Variants in RFWD3 observed in about 807,000 individuals in gnomAD.
RFWD3 encodes the protein E3 ubiquitin-protein ligase RFWD3.
RFWD3 carries 65 observed loss-of-function variants against 87.7 expected under a neutral mutation model. The observed-to-expected ratio is 0.74, with a 90% CI of 0.61 to 0.91. The LOEUF is 0.91. Ranked by LOEUF, RFWD3 falls within the 40% of genes least tolerant of loss-of-function variation. The probability of loss-of-function intolerance (pLI) is 0.00; values close to 1 mark genes in which losing one functional copy is unlikely to be tolerated. For synonymous variants in RFWD3, 433 were observed against 352.8 expected (o/e 1.23, Z -2.55); for missense variants, 1,078 against 938.5 (o/e 1.15, Z -1.94).
At chr16:74,636,915 G>A (rs942722169) in intron 7 of RFWD3, among the ~76,000 whole-genome samples, 1 of 151,746 alleles carries the variant, frequency 6.6e-6, no homozygotes, top group African/African-American at 2.4e-5. Flanking sequence ...GTTTTACCAC[G>A]TTGGCCGGGC....
Position 74,628,558 on chromosome 16 carries a change from T to C in RFWD3, c.1863A>G (p.Lys621=). Residue 621 remains lysine, a synonymous_variant, in exon 11 of 13, where the codon AAA becomes AAG. Transcript: ENST00000361070. ...TLEDASFWEQ[K]MDFSHWPHVL... is the part of the protein sequence containing the mutation. Reference sequence around the variant, plus strand: ...CATGAGGCCAATGAGAAAAGTCCATTTTCTGTTCCCAGAATGAAGCATCCT... The same window carrying C: ...CATGAGGCCAATGAGAAAAGTCCATCTTCTGTTCCCAGAATGAAGCATCCT... The C allele has an allele frequency of 1.2e-6, 2 of 1,614,134 alleles. No individual in the cohort carries two copies. Among genetic ancestry groups the C allele is most frequent in the Admixed American group, 1.7e-5 (1 of 60,000 alleles).
chr16:74,663,542 G>A (rs1961628120), intron 1 of RFWD3, among the ~76,000 whole-genome samples: 1 of 152,082 alleles, frequency 6.6e-6, no homozygotes. Context: ...TAAATGGAAG[G>A]AATTCTAATA....
chr16:74,644,960 G>T (rs1055191297), intron 4 of RFWD3, among the ~76,000 whole-genome samples: 1 of 152,072 alleles, frequency 6.6e-6, no homozygotes, highest in African/African-American at 2.4e-5. Context: ...AAAATTCTTG[G>T]ATACTTTTTC....
At chr16:74,657,513 C>T (rs946366664) in intron 2 of RFWD3, among the ~76,000 whole-genome samples, 39 of 140,960 alleles carry the variant, frequency 2.8e-4, no homozygotes, top group South Asian at 2.7e-3. Context: ...TCTCGCTCTG[C>T]GGCCCAGGCT....
At chr16:74,626,827 T>A (rs1024140006) in intron 11 of RFWD3, among the ~76,000 whole-genome samples, 1 of 152,124 alleles carries the variant, frequency 6.6e-6, no homozygotes, top group African/African-American at 2.4e-5. Context: ...ATTCTGTGAG[T>A]TGTCTGTTTT....
At chr16:74,657,814 C>G (rs1013851246) in intron 2 of RFWD3, among the ~76,000 whole-genome samples, 8 of 152,090 alleles carry the variant, frequency 5.3e-5, no homozygotes, top group African/African-American at 1.9e-4. Context: ...TTTACCAACT[C>G]CATTTCTTGA....
chr16:74,642,029 T>C (rs780757047), intron 6 of RFWD3, among the ~76,000 whole-genome samples: 1 of 150,530 alleles, frequency 6.6e-6, no homozygotes, highest in Non-Finnish European at 1.5e-5. Flanking sequence ...ATATAGCTAA[T>C]CAAATACATA....
At chr16:74,638,115 A>G in intron 6 of RFWD3, 145 bp from the exon 7 acceptor site, 1 of 540,038 alleles carries the variant, frequency 1.9e-6, no homozygotes, top group East Asian at 3.3e-5. Context: ...AAAAGAGAAA[A>G]ATCTCTCCAG....
At chr16:74,645,740 A>ATT (rs1960072378) in intron 4 of RFWD3, among the ~76,000 whole-genome samples, 5 of 104,572 alleles carry the variant, frequency 4.8e-5, no homozygotes, top group African/African-American at 1.4e-4. Flanking sequence ...AGTCACAAAT[A>ATT]TTTTCTTTTT....
In RFWD3 at chr16:74,661,267, G is replaced by A; in HGVS notation, c.183C>T (p.Ile61=). 3.1e-6 allele frequency: 5 copies of A among 1,614,150 alleles called. No individual in the cohort carries two copies. The highest frequency in any genetic ancestry group is 4.2e-6 in the Non-Finnish European group (5 of 1,180,032). Residue 61 remains isoleucine (I), a synonymous_variant, in exon 2 of 13, where the codon ATC becomes ATT. Transcript: ENST00000361070. ...GCAGGGGTGGTGTCGCTTGGCTGCT[G>A]ATCACCTCAGCAGGAGCTGGCTGGA... ...SILQPAPAEV[I]SSQATPPLLQ... is the part of the protein sequence containing the mutation.
intron 3 of RFWD3, 83 bp from the exon 4 acceptor site, chr16:74,649,285 C>G (rs1652391874): frequency 1.1e-6 from 1 of 944,586 alleles, no homozygotes; most frequent in African/African-American, 1.8e-5. Context: ...CAGGAGAGAG[C>G]CTGACTCACT....
At chr16:74,631,435 T>C (rs923140792) in intron 9 of RFWD3, among the ~76,000 whole-genome samples, 1 of 149,610 alleles carries the variant, frequency 6.7e-6, no homozygotes, top group African/African-American at 2.5e-5. Flanking sequence ...ATCATGCCAC[T>C]GTACTCCAGC....
intron 12 of RFWD3, among the ~76,000 whole-genome samples, chr16:74,625,885 T>C (rs1958917681): frequency 6.6e-6 from 1 of 152,062 alleles, no homozygotes; most frequent in Non-Finnish European, 1.5e-5. Flanking sequence ...TTAATCAGAC[T>C]CAGGTTCAAG....
intron 11 of RFWD3, among the ~76,000 whole-genome samples, chr16:74,627,084 T>G (rs1958961249): frequency 6.6e-6 from 1 of 152,164 alleles, no homozygotes; most frequent in Non-Finnish European, 1.5e-5. Context: ...AATCACAGTC[T>G]TGGAGACAGC....
chr16:74,632,774 A>T, intron 8 of RFWD3, 101 bp from the exon 9 acceptor site: 1 of 1,089,520 alleles, frequency 9.2e-7, no homozygotes, highest in East Asian at 2.6e-5. Context: ...TTCTTGGCGT[A>T]TAAGTCCTTG....
At chr16:74,624,917 A>T (rs1958879694) in intron 12 of RFWD3, among the ~76,000 whole-genome samples, 1 of 152,174 alleles carries the variant, frequency 6.6e-6, no homozygotes, top group Non-Finnish European at 1.5e-5. Context: ...TAAGCTGAGG[A>T]GTTTGAGGCT....
rs952757353 is a variant in RFWD3 at position 74,643,673 on chromosome 16, T to C, written c.1079+689A>G. Among the ~76,000 whole-genome samples the C allele has an allele frequency of 6.3e-5, 7 of 111,274 alleles. 1 individual carries two copies. The highest frequency in any genetic ancestry group is 1.7e-4 in the African/African-American group (6 of 35,468). The allele number at this position is 111,274 out of a possible 152,430, so 73.0% of individuals were successfully genotyped here. A position where few individuals can be genotyped will look rare whatever the true frequency, so the allele number is the denominator to read the frequency against. On this transcript the variant is annotated intron_variant, in intron 6 of 12. Coordinates refer to ENST00000361070, the MANE Select transcript of RFWD3 (RefSeq NM_018124.4). ...TGAGTGGTGTTACTAGCAACTGTTT[T>C]TTTTTTTTTTTTTTTTTTTTGAGAC...
rs201896512 is a variant in RFWD3, at chr16:74,630,916, C to T, written c.1619G>A (p.Arg540His). The part of the protein sequence containing the change: ...NTVVQTYNAG[R>H]PVWSCCWCLD... ...ACACCAGCAACAGCTCCAGACAGGA[C>T]GTCCAGCATTATAAGTCTGGACCAC... is the stretch of plus-strand genomic sequence containing the variant. Residue 540 changes from arginine to histidine, a missense_variant, in exon 10 of 13, where the codon CGT becomes CAT. Arg to His is a conservative substitution (Grantham distance 29). Transcript: ENST00000361070. 6.2e-6 allele frequency: 10 copies of T among 1,613,860 alleles called. No homozygotes were observed. The highest frequency in any genetic ancestry group is 2.2e-5 in the East Asian group (1 of 44,856).
chr16:74,634,783 A>G (rs1959179727), intron 8 of RFWD3, among the ~76,000 whole-genome samples: 2 of 149,282 alleles, frequency 1.3e-5, no homozygotes, highest in African/African-American at 4.9e-5. Flanking sequence ...ACTTTCTTCT[A>G]GCAGAATTAA....
Sources: allele counts gnomAD v4.1 joint callset (sites outside exome capture counted in the v4.1 genomes callset), GRCh38; gene constraint gnomAD v4.1.1; transcripts MANE v1.5; gene names NCBI Gene and HGNC (gene_info 2026-07-23, HGNC 2026-07-21).